Variants in TRPM6 observed in about 807,000 individuals in gnomAD.
TRPM6 encodes channel kinase 2.
A neutral mutation model predicts 247.6 loss-of-function variants in TRPM6; 111 were observed. That is an observed-to-expected ratio of 0.45 (90% CI 0.38 to 0.52). TRPM6 has a LOEUF of 0.52. Among genes scored for constraint, TRPM6 ranks in the 20% least tolerant of loss-of-function variants. TRPM6 has a pLI of 0.00. For missense variants in TRPM6, 2,126 were observed against 2,421.5 expected (o/e 0.88, Z 2.56); for synonymous variants, 892 against 853.8 (o/e 1.04, Z -0.78).
At chr9:74,805,334 A>G (rs1828492281) in intron 14 of TRPM6, among the ~76,000 whole-genome samples, 1 of 152,238 alleles carries the variant, frequency 6.6e-6, no homozygotes, top group Non-Finnish European at 1.5e-5. Context: ...TTAAAAAGGA[A>G]TGTCTTCACT....
In TRPM6 at chr9:74,767,556, T is replaced by G. The variant is rs73650066; in HGVS notation, c.3536+4147A>C. Among the ~76,000 whole-genome samples, 872 of 152,316 alleles carry G rather than the reference T, an allele frequency of 5.7e-3. 6 individuals carry two copies. The highest frequency in any genetic ancestry group is 0.02 in the African/African-American group (824 of 41,566). On this transcript the variant is annotated intron_variant, in intron 25 of 38. Coordinates refer to ENST00000360774, the MANE Select transcript of TRPM6 (RefSeq NM_017662.5). ...TTACCTCAGGAAATATTCTCCCCTC[T>G]TTCCCATACCTCATTTATGAGGTCC...
rs188246994 is a variant in TRPM6, at chr9:74,881,779, G to A, written c.33+6045C>T. ...GTAAAACTAGAAATCAATAATAAGA[G>A]GAACTTTGGAAACTGTACAAAAGTA... On this transcript the variant is annotated intron_variant, in intron 1 of 38. Transcript: ENST00000360774. Among the ~76,000 whole-genome samples the A allele has an allele frequency of 7.9e-3, 1,198 of 152,082 alleles. 5 individuals are homozygous for A. The highest frequency in any genetic ancestry group is 0.011 in the Non-Finnish European group (760 of 67,974).
chr9:74,824,155 A>G (rs1272976347), intron 7 of TRPM6, among the ~76,000 whole-genome samples: 2 of 147,966 alleles, frequency 1.4e-5, no homozygotes, highest in African/African-American at 5.2e-5. Flanking sequence ...TCTGTTAGGT[A>G]CACTTTTTTT....
At chr9:74,770,809 T>G (rs750163442) in intron 25 of TRPM6, among the ~76,000 whole-genome samples, 1 of 152,184 alleles carries the variant, frequency 6.6e-6, no homozygotes, top group African/African-American at 2.4e-5. Context: ...TGGATCATTT[T>G]CAGGACCATG....
At chr9:74,847,864 T>C (rs559367133) in intron 3 of TRPM6, among the ~76,000 whole-genome samples, 91 of 152,152 alleles carry the variant, frequency 6.0e-4, no homozygotes, top group African/African-American at 2.1e-3. Context: ...AGAAAAAATA[T>C]ATATGTAGCA....
rs1056476925 is a variant in TRPM6 at position 74,833,677 on chromosome 9, G to A, written c.669+321C>T. Among the ~76,000 whole-genome samples, 11 of 152,158 alleles carry A rather than the reference G, an allele frequency of 7.2e-5. No homozygotes were observed. The East Asian group carries it at 9.6e-4, about 13-fold the overall frequency. On this transcript the variant is annotated intron_variant, in intron 6 of 38. Transcript: ENST00000360774. ...TTCAGGCAACAGATAATGGTGGCTC[G>A]GATTCACTCAGTAACAGTAAGGGCA... is the stretch of plus-strand genomic sequence containing the variant.
intron 4 of TRPM6, among the ~76,000 whole-genome samples, chr9:74,841,002 A>G (rs1403101053): frequency 6.6e-6 from 1 of 152,146 alleles, no homozygotes. Context: ...CATTTCACAG[A>G]TTTGCATAAT....
In TRPM6 at chr9:74,860,992, T is replaced by C. The variant is rs1830676725; in HGVS notation, c.34-2244A>G. Among the ~76,000 whole-genome samples, 3 of 151,924 alleles carry C rather than the reference T, an allele frequency of 2.0e-5. No individual in the cohort carries two copies. The South Asian group carries it at 6.2e-4, about 32-fold the overall frequency. On this transcript the variant is annotated intron_variant, in intron 1 of 38. Coordinates refer to ENST00000360774, the MANE Select transcript of TRPM6 (RefSeq NM_017662.5). Reference sequence around the variant, plus strand: ...GAGCCATGATTGTGCCACTGCACTCTAGCCTGGGCGACAGAGTGAGACCTT... The same window carrying C: ...GAGCCATGATTGTGCCACTGCACTCCAGCCTGGGCGACAGAGTGAGACCTT...
intron 38 of TRPM6, among the ~76,000 whole-genome samples, chr9:74,726,819 GC>G (rs1563985312): frequency 6.6e-6 from 1 of 152,154 alleles, no homozygotes; most frequent in African/African-American, 2.4e-5. Flanking sequence ...CTTCCAGAGG[GC>G]CCTTACCTGG....
intron 17 of TRPM6, among the ~76,000 whole-genome samples, chr9:74,797,349 C>T (rs530454262): frequency 6.6e-6 from 1 of 152,280 alleles, no homozygotes; most frequent in East Asian, 1.9e-4. Flanking sequence ...GACCCCCGAC[C>T]CCAAGGATAC....
At chr9:74,816,090 C>G (rs987015006) in intron 11 of TRPM6, among the ~76,000 whole-genome samples, 1 of 152,180 alleles carries the variant, frequency 6.6e-6, no homozygotes, top group African/African-American at 2.4e-5. Flanking sequence ...CAGTGGCTCA[C>G]GCCTGTAATT....
rs1453912452 is a variant in TRPM6, at chr9:74,826,234, A to G, written c.841+1544T>C. ...CGTAGATAGTTCTTTTCATTTTATA[A>G]TAAGAAAACAGTTGACAGATGTTAA... On this transcript the variant is annotated intron_variant, in intron 7 of 38. Coordinates refer to ENST00000360774, the MANE Select transcript of TRPM6 (RefSeq NM_017662.5). 5.9e-5 allele frequency among the ~76,000 whole-genome samples: 9 copies of G among 152,328 alleles called. No individual in the cohort carries two copies. The East Asian group carries it at 1.7e-3, about 29-fold the overall frequency.
In TRPM6 at chr9:74,786,090, C is replaced by T; in HGVS notation, c.2703G>A (p.Lys901=). The T allele has an allele frequency of 6.2e-7, 1 of 1,614,186 alleles. No homozygotes were observed. The highest frequency in any genetic ancestry group is 8.5e-7 in the Non-Finnish European group (1 of 1,180,022). Reference sequence around the variant, plus strand: ...AGTACTCACTAATCCATACCTTCACCTTTTGGGTAAACTTCCCAGGTTCTG... The same window carrying T: ...AGTACTCACTAATCCATACCTTCACTTTTTGGGTAAACTTCCCAGGTTCTG... ...CISEPGKFTQ[K]VKVWISEYWN... is the part of the protein sequence containing the mutation. Residue 901 remains lysine (K), a synonymous_variant, in exon 21 of 39, where the codon AAG becomes AAA. Transcript: ENST00000360774.
rs137878128 is a variant in TRPM6 at position 74,801,432 on chromosome 9, T to C, written c.2009+466A>G. 4.8e-3 allele frequency among the ~76,000 whole-genome samples: 735 copies of C among 152,120 alleles called. 4 individuals carry two copies. The highest frequency in any genetic ancestry group is 0.017 in the African/African-American group (704 of 41,508). ...TTCTTTCTTCATTACTATAACACTT[T>C]AGTAACTTCAAAACCAAAAGCATTT... is the stretch of plus-strand genomic sequence containing the variant. On this transcript the variant is annotated intron_variant, in intron 16 of 38. Transcript: ENST00000360774.
At chr9:74,868,367 T>C (rs1254094075) in intron 1 of TRPM6, among the ~76,000 whole-genome samples, 4 of 145,778 alleles carry the variant, frequency 2.7e-5, no homozygotes, top group Admixed American at 2.1e-4. Flanking sequence ...TGGTGGTGCA[T>C]GCCTGTAATC....
chr9:74,782,858 A>G lies in TRPM6; in HGVS notation c.2920-5T>C. The G allele has an allele frequency of 6.2e-7, 1 of 1,614,042 alleles. No individual in the cohort carries two copies. The highest frequency in any genetic ancestry group is 8.5e-7 in the Non-Finnish European group (1 of 1,179,950). On this transcript the variant is annotated splice_polypyrimidine_tract_variant and splice_region_variant and intron_variant, in intron 21 of 38. Coordinates refer to ENST00000360774, the MANE Select transcript of TRPM6 (RefSeq NM_017662.5). ...AATATAGAACATGTTTGCTGTCTGC[A>G]AAAGAGCATAGTACAACCAGAATTT... is the stretch of plus-strand genomic sequence containing the variant.
intron 1 of TRPM6, among the ~76,000 whole-genome samples, chr9:74,872,856 T>C (rs1427547116): frequency 2.6e-5 from 4 of 152,192 alleles, no homozygotes; most frequent in Non-Finnish European, 5.9e-5. Flanking sequence ...CCATAAACTT[T>C]TGCCTACATT....
intron 1 of TRPM6, among the ~76,000 whole-genome samples, chr9:74,873,500 A>G (rs1048281346): frequency 4.6e-5 from 7 of 152,246 alleles, no homozygotes; most frequent in African/African-American, 1.2e-4. Flanking sequence ...GTATAAGCAC[A>G]TACGAGAATT....
chr9:74,878,331 C>T (rs1314504915), intron 1 of TRPM6, among the ~76,000 whole-genome samples: 2 of 152,152 alleles, frequency 1.3e-5, no homozygotes, highest in Non-Finnish European at 2.9e-5. Context: ...GCTCACCTGG[C>T]CCTACTAACA....
Sources: allele counts gnomAD v4.1 joint callset (sites outside exome capture counted in the v4.1 genomes callset), GRCh38; gene constraint gnomAD v4.1.1; transcripts MANE v1.5; gene names NCBI Gene and HGNC (gene_info 2026-07-23, HGNC 2026-07-21).